Variants in WWTR1 observed in about 807,000 individuals in gnomAD.
The protein encoded by WWTR1 is WW domain-containing transcription regulator protein 1.
In WWTR1, 13 loss-of-function variants were observed where a neutral mutation model predicts 40.1. The ratio of observed to expected loss-of-function variants is 0.32; its 90% CI spans 0.21 to 0.52. The LOEUF (loss-of-function observed/expected upper bound fraction) is 0.52. Ranked by LOEUF, WWTR1 falls within the 20% of genes least tolerant of loss-of-function variation. The pLI is 0.97. For missense variants in WWTR1, 436 were observed against 523.1 expected, an observed-to-expected ratio of 0.83 and a Z score of 1.63; for synonymous variants, 230 against 210.1, an observed-to-expected ratio of 1.09 and a Z score of -0.82.
At position 149,585,182 on chromosome 3, in the gene WWTR1, C is replaced by T. The variant is rs982872519; in HGVS notation, c.432-12182G>A. Among the ~76,000 whole-genome samples the T allele has an allele frequency of 5.5e-5, 8 of 146,130 alleles. No homozygotes were observed. The East Asian group carries it at 1.1e-3, about 21-fold the overall frequency. ...TAAGATGGAGTTTCACTCTTGTCAC[C>T]CAGACTGGAGAACGATCTCTGCTCA... On this transcript the variant is annotated intron_variant, in intron 2 of 6. Coordinates refer to ENST00000360632, the MANE Select transcript of WWTR1 (RefSeq NM_015472.6).
chr3:149,678,058 A>G (rs1576637354), intron 1 of WWTR1, among the ~76,000 whole-genome samples: 1 of 151,990 alleles, frequency 6.6e-6, no homozygotes, highest in Admixed American at 6.6e-5. Flanking sequence ...GGCGGGGGCC[A>G]CCACACCCAG....
intron 1 of WWTR1, among the ~76,000 whole-genome samples, chr3:149,694,054 A>C (rs1483413718): frequency 6.6e-6 from 1 of 152,224 alleles, no homozygotes; most frequent in Non-Finnish European, 1.5e-5. Flanking sequence ...TGAAGTGAAA[A>C]GACAAAGCGA....
intron 2 of WWTR1, among the ~76,000 whole-genome samples, chr3:149,635,224 A>G (rs757744214): frequency 1.6e-4 from 24 of 152,236 alleles, no homozygotes; most frequent in Non-Finnish European, 3.4e-4. Flanking sequence ...TTGTATTTTT[A>G]GTAATTGGAC....
chr3:149,655,098 C>G (rs958980570), intron 2 of WWTR1, among the ~76,000 whole-genome samples: 3 of 149,738 alleles, frequency 2.0e-5, no homozygotes, highest in African/African-American at 7.4e-5. Flanking sequence ...TGCACTCCAG[C>G]CTGGGCGACA....
chr3:149,663,700 A>C (rs1713684367), intron 2 of WWTR1, among the ~76,000 whole-genome samples: 1 of 152,164 alleles, frequency 6.6e-6, no homozygotes, highest in Middle Eastern at 3.2e-3. Flanking sequence ...CATCTTAAAA[A>C]AAAATTTTCT....
chr3:149,639,382 C>CT (rs1231718371), intron 2 of WWTR1, among the ~76,000 whole-genome samples: 2 of 151,956 alleles, frequency 1.3e-5, no homozygotes, highest in African/African-American at 2.4e-5. Context: ...ATTTTTAAAA[C>CT]TTTTTTATAG....
At chr3:149,556,232 T>G (rs1736820406) in intron 3 of WWTR1, among the ~76,000 whole-genome samples, 1 of 152,128 alleles carries the variant, frequency 6.6e-6, no homozygotes, top group African/African-American at 2.4e-5. Flanking sequence ...ATGGTAAAAT[T>G]TAAAATTCTG....
intron 2 of WWTR1, among the ~76,000 whole-genome samples, chr3:149,604,669 G>C (rs1739404951): frequency 6.6e-6 from 1 of 152,168 alleles, no homozygotes; most frequent in Non-Finnish European, 1.5e-5. Flanking sequence ...TTCTCTGTAG[G>C]GTATGTGAGG....
At chr3:149,625,770 G>A (rs1431128522) in intron 2 of WWTR1, among the ~76,000 whole-genome samples, 1 of 151,082 alleles carries the variant, frequency 6.6e-6, no homozygotes, top group Non-Finnish European at 1.5e-5. Context: ...CAGCCTGGGC[G>A]ACACAGCGAG....
At chr3:149,678,502 C>T (rs1714347362) in intron 1 of WWTR1, among the ~76,000 whole-genome samples, 1 of 152,178 alleles carries the variant, frequency 6.6e-6, no homozygotes, top group East Asian at 1.9e-4. Context: ...ACATTACTCA[C>T]CATGCTCACT....
chr3:149,536,506 C>T (rs967082701), intron 4 of WWTR1, among the ~76,000 whole-genome samples: 1 of 151,958 alleles, frequency 6.6e-6, no homozygotes, highest in Admixed American at 6.5e-5. Context: ...GAACCTTCCC[C>T]AGGCCAGTGC....
Position 149,520,808 on chromosome 3 carries a change from C to CTTAA in WWTR1, c.1199_1200insTTAA (p.Ter401=), listed in dbSNP as rs112399999. 143,076 of 1,582,728 alleles carry CTTAA rather than the reference C, an allele frequency of 0.09. 7,077 individuals are homozygous for CTTAA. Among genetic ancestry groups the CTTAA allele is most frequent in the East Asian group, 0.2 (8,757 of 43,688 alleles). ...ATCCAAGTTACAATGGTAGTGATTA[C>CTTAA]AGCCAGGTTAGAAAGGGCTCACTTT... is the stretch of plus-strand genomic sequence containing the variant. On this transcript the variant is annotated stop_gained and frameshift_variant, in exon 7 of 7. Transcript: ENST00000360632. LOFTEE classifies it high-confidence loss of function.
chr3:149,616,705 G>A (rs1739991269), intron 2 of WWTR1, among the ~76,000 whole-genome samples: 1 of 152,126 alleles, frequency 6.6e-6, no homozygotes, highest in Non-Finnish European at 1.5e-5. Context: ...GCCTCCCAAA[G>A]TGCTGGGATT....
chr3:149,530,938 C>CT (rs753375505), intron 4 of WWTR1, among the ~76,000 whole-genome samples: 3,371 of 143,128 alleles, frequency 0.024, 64 homozygotes, highest in African/African-American at 0.05. Context: ...GGAATGATTG[C>CT]TTTTTTTTTT....
chr3:149,531,609 C>T (rs1271193267), intron 4 of WWTR1, among the ~76,000 whole-genome samples: 1 of 152,068 alleles, frequency 6.6e-6, no homozygotes, highest in East Asian at 1.9e-4. Flanking sequence ...TTCCTCGAGT[C>T]TTCCTAAAGC....
At chr3:149,569,730 A>G (rs1737530171) in intron 3 of WWTR1, among the ~76,000 whole-genome samples, 1 of 152,276 alleles carries the variant, frequency 6.6e-6, no homozygotes, top group Non-Finnish European at 1.5e-5. Context: ...CTTGCATTAA[A>G]GAAGACCTAT....
intron 1 of WWTR1, among the ~76,000 whole-genome samples, chr3:149,672,493 G>A (rs921190361): frequency 3.3e-5 from 5 of 152,092 alleles, no homozygotes; most frequent in Non-Finnish European, 7.4e-5. Context: ...TTCTACCATG[G>A]CCAAGCCTCT....
intron 2 of WWTR1, among the ~76,000 whole-genome samples, chr3:149,665,756 C>G (rs1395273776): frequency 6.6e-6 from 1 of 152,006 alleles, no homozygotes; most frequent in Non-Finnish European, 1.5e-5. Context: ...TAAAAAGATG[C>G]TAAAATTATA....
chr3:149,657,567 G>C (rs1481543499), intron 1 of WWTR1, 198 bp downstream of exon 1: 1 of 493,696 alleles, frequency 2.0e-6, no homozygotes, highest in East Asian at 3.5e-5. Flanking sequence ...GATAGGGCGA[G>C]GGGTGGAGGG....
Sources: allele counts gnomAD v4.1 joint callset (sites outside exome capture counted in the v4.1 genomes callset), GRCh38; gene constraint gnomAD v4.1.1; transcripts MANE v1.5; gene names NCBI Gene and HGNC (gene_info 2026-07-23, HGNC 2026-07-21).